Variants in CNGA1 observed in about 807,000 individuals in gnomAD.
CNGA1 encodes the protein cyclic nucleotide gated channel subunit alpha 1.
In CNGA1, 53 loss-of-function variants were observed where a neutral mutation model predicts 69.7. The ratio of observed to expected loss-of-function variants is 0.76; its 90% confidence interval spans 0.61 to 0.96. CNGA1 has a LOEUF of 0.96. CNGA1 is among the 40% of genes least tolerant of loss of function. The probability of loss-of-function intolerance (pLI) is 0.00; values close to 1 mark genes in which losing one functional copy is unlikely to be tolerated. For synonymous variants in CNGA1, 249 were observed against 283.5 expected, an observed-to-expected ratio of 0.88 and a Z score of 1.22; for missense variants, 739 against 811.2, an observed-to-expected ratio of 0.91 and a Z score of 1.08.
At chr4:47,992,657 A>T (rs200088584) in intron 2 of CNGA1, among the ~76,000 whole-genome samples, 20,043 of 145,184 alleles carry the variant, frequency 0.14, 1,738 homozygotes, top group East Asian at 0.24. Context: ...GATGCCATTT[A>T]TTATTTATTT....
intron 2 of CNGA1, among the ~76,000 whole-genome samples, chr4:47,990,270 T>C (rs1429419559): frequency 6.6e-6 from 1 of 152,064 alleles, no homozygotes; most frequent in Non-Finnish European, 1.5e-5. Flanking sequence ...GAAATATCAC[T>C]GAATTCTTTT....
intron 1 of CNGA1, chr4:48,013,023 T>C (rs185014074): frequency 9.2e-4 from 139 of 151,840 alleles, no homozygotes; most frequent in African/African-American, 3.1e-3. Context: ...AACAGAAAAT[T>C]TGTCTTTCTT....
At chr4:48,002,459 G>A (rs1313549509) in intron 2 of CNGA1, among the ~76,000 whole-genome samples, 1 of 152,068 alleles carries the variant, frequency 6.6e-6, no homozygotes, top group Non-Finnish European at 1.5e-5. Context: ...GGGAAATGGA[G>A]TTTGTACTCA....
chr4:47,961,252 T>G (rs2110177983), intron 3 of CNGA1, among the ~76,000 whole-genome samples: 1 of 152,192 alleles, frequency 6.6e-6, no homozygotes, highest in Admixed American at 6.5e-5. Context: ...GCATTCAAGG[T>G]GAAACATTAA....
intron 3 of CNGA1, among the ~76,000 whole-genome samples, chr4:47,974,207 A>G (rs201108854): frequency 7.0e-6 from 1 of 142,864 alleles, no homozygotes; most frequent in Admixed American, 7.1e-5. Flanking sequence ...AGTATCATAC[A>G]TTTTATTTTA....
At chr4:47,944,723 T>A (rs1417578547) in intron 6 of CNGA1, among the ~76,000 whole-genome samples, 1 of 152,192 alleles carries the variant, frequency 6.6e-6, no homozygotes, top group Non-Finnish European at 1.5e-5. Context: ...TTTGAGAAGT[T>A]CAGTGGTACT....
intron 3 of CNGA1, among the ~76,000 whole-genome samples, chr4:47,964,233 A>T (rs1210318122): frequency 6.6e-6 from 1 of 152,176 alleles, no homozygotes; most frequent in Non-Finnish European, 1.5e-5. Flanking sequence ...ATGACTAGGG[A>T]AGGGAGAATA....
At chr4:47,947,376 GA>G (rs1165845254) in intron 6 of CNGA1, among the ~76,000 whole-genome samples, 2 of 152,090 alleles carry the variant, frequency 1.3e-5, no homozygotes, top group Non-Finnish European at 2.9e-5. Context: ...AGTTTGTATG[GA>G]AAAAGAAATA....
intron 2 of CNGA1, among the ~76,000 whole-genome samples, chr4:47,988,003 C>G (rs1330162023): frequency 6.6e-6 from 1 of 152,132 alleles, no homozygotes; most frequent in Non-Finnish European, 1.5e-5. Context: ...AGGTGGAGAA[C>G]AGTCAGGAGG....
At chr4:47,999,044 G>A (rs956913094) in intron 2 of CNGA1, among the ~76,000 whole-genome samples, 4 of 152,122 alleles carry the variant, frequency 2.6e-5, no homozygotes, top group South Asian at 2.1e-4. Context: ...CACCTCCTTC[G>A]TCTCATCACA....
Position 47,936,433 on chromosome 4 carries a change from G to T in CNGA1, c.2049C>A (p.Ile683=), listed in dbSNP as rs369407883. The T allele has an allele frequency of 5.0e-6, 8 of 1,613,970 alleles. No homozygotes were observed. The African/African-American group carries it at 9.3e-5, about 19-fold the overall frequency. ...CAGCTTTTCGGTTCTATGTAGAGTC[G>T]ATGGGCCCACTTTCCGCTCCAGGTC... is the stretch of plus-strand genomic sequence containing the variant. ...IEGPGAESGP[I]DST is the part of the protein sequence containing the mutation. The change falls in exon 11 of 11, where the codon ATC becomes ATA. Residue 683 remains isoleucine (I), a synonymous_variant. Coordinates refer to ENST00000514170, the MANE Select transcript of CNGA1 (RefSeq NM_001379270.1).
chr4:47,990,804 C>T lies in CNGA1; in HGVS notation c.-122-9304G>A, dbSNP rs138024317. 9.1e-3 allele frequency among the ~76,000 whole-genome samples: 1,384 copies of T among 152,246 alleles called. 18 individuals are homozygous for T. The highest frequency in any genetic ancestry group is 0.031 in the African/African-American group (1,270 of 41,548). On this transcript the variant is annotated intron_variant, in intron 2 of 10. Transcript: ENST00000514170. The stretch of plus-strand genomic sequence containing the variant: ...ACTTAGGGAAAATAGAAAGAACCTA[C>T]GTTGAAATATGGGGGCTGGTTCCCC...
chr4:47,996,268 G>A (rs994186102), intron 2 of CNGA1, among the ~76,000 whole-genome samples: 1 of 152,132 alleles, frequency 6.6e-6, no homozygotes, highest in African/African-American at 2.4e-5. Context: ...CATGATTGGG[G>A]TGGCCTCAGA....
intron 2 of CNGA1, among the ~76,000 whole-genome samples, chr4:47,984,663 T>TACACAC (rs60055899): frequency 2.3e-4 from 29 of 127,278 alleles, no homozygotes; most frequent in African/African-American, 5.9e-4. Flanking sequence ...TATATATATA[T>TACACAC]ACACACACAC....
At chr4:48,013,650 T>C (rs1231128650) in intron 1 of CNGA1, among the ~76,000 whole-genome samples, 1 of 152,188 alleles carries the variant, frequency 6.6e-6, no homozygotes, top group Admixed American at 6.5e-5. Context: ...GGAGGCAGGT[T>C]GGCCCTAAGC....
chr4:47,964,619 G>A (rs6841271), intron 3 of CNGA1, among the ~76,000 whole-genome samples: 129,104 of 152,038 alleles, frequency 0.85, 55,078 homozygotes, highest in East Asian at 0.98. Context: ...TATTTTCTGA[G>A]TGGATAGTCG....
chr4:48,008,412 G>A (rs1715013969), intron 2 of CNGA1, among the ~76,000 whole-genome samples: 1 of 151,514 alleles, frequency 6.6e-6, no homozygotes, highest in Non-Finnish European at 1.5e-5. Flanking sequence ...CTTATTTCCT[G>A]GCTCCTCTTA....
chr4:47,963,634 A>G (rs10938511), intron 3 of CNGA1, among the ~76,000 whole-genome samples: 1 of 151,550 alleles, frequency 6.6e-6, no homozygotes, highest in African/African-American at 2.4e-5. Flanking sequence ...ATGACAATTT[A>G]TTCTATCAGT....
chr4:47,987,817 A>C (rs4695319), intron 2 of CNGA1, among the ~76,000 whole-genome samples: 15,866 of 152,194 alleles, frequency 0.1, 1,309 homozygotes, highest in East Asian at 0.32. Flanking sequence ...CTGAATATAG[A>C]CACAGAGGTA....
Sources: gnomAD v4.1 joint callset for allele counts (sites outside exome capture counted in the v4.1 genomes callset) on GRCh38, gnomAD v4.1.1 for gene constraint, MANE v1.5 for transcripts, NCBI Gene and HGNC (gene_info 2026-07-23, HGNC 2026-07-21) for gene names.